ART1: variants seen among roughly 807,000 people sequenced by gnomAD.
The protein encoded by ART1 is GPI-linked NAD(P)(+)--arginine ADP-ribosyltransferase 1.
ART1 carries 29 observed loss-of-function variants against 27.0 expected under a neutral mutation model. The observed-to-expected ratio is 1.08, with a 90% confidence interval of 0.80 to 1.47. The LOEUF (loss-of-function observed/expected upper bound fraction) is 1.47. Among genes scored for constraint, ART1 ranks in the 40% most tolerant of loss-of-function variants. The pLI, the probability that ART1 is intolerant of heterozygous loss-of-function variation, is 0.00. For missense variants in ART1, 480 were observed against 423.0 expected, an observed-to-expected ratio of 1.13 and a Z score of -1.18; for synonymous variants, 201 against 172.2, an observed-to-expected ratio of 1.17 and a Z score of -1.31.
At position 3,664,326 on chromosome 11, in the gene ART1, G is replaced by A; in HGVS notation, c.*137G>A. ...CTGGGACCTTCTCTGGTAGCTGCCA[G>A]ACCGGCTGGTGGAGAAACAGGAGAC... On this transcript the variant is annotated 3_prime_UTR_variant, in exon 5 of 5. Coordinates refer to ENST00000250693, the MANE Select transcript of ART1 (RefSeq NM_004314.3). The A allele has an allele frequency of 1.2e-6, 1 of 806,080 alleles. No individual in the cohort carries two copies. Among genetic ancestry groups the A allele is most frequent in the Non-Finnish European group, 2.0e-6 (1 of 498,046 alleles). 49.9% of individuals were successfully genotyped at this position (806,080 alleles called of 1,614,324 possible).
In ART1 at chr11:3,664,283, T is replaced by C. The variant is rs2133969626; in HGVS notation, c.*94T>C. 8.0e-7 allele frequency: 1 copy of C among 1,244,076 alleles called. No individual in the cohort carries two copies. Among genetic ancestry groups the C allele is most frequent in the Non-Finnish European group, 1.2e-6 (1 of 866,330 alleles). The allele number at this position is 1,244,076 out of a possible 1,614,324, so 77.1% of individuals were successfully genotyped here. A position where few individuals can be genotyped will look rare whatever the true frequency, so the allele number is the denominator to read the frequency against. On this transcript the variant is annotated 3_prime_UTR_variant, in exon 5 of 5. Transcript: ENST00000250693. ...TCAGTGTAACCAAGATTCCTGTCAATCCCATCTGCAGGGAACTCTGGGACC... is the reference window on the plus strand; with the variant it reads ...TCAGTGTAACCAAGATTCCTGTCAACCCCATCTGCAGGGAACTCTGGGACC...
intron 1 of ART1, among the ~76,000 whole-genome samples, chr11:3,657,818 C>T (rs78049286): frequency 0.031 from 4,764 of 152,112 alleles, 266 homozygotes; most frequent in African/African-American, 0.11. Context: ...TAAATATTCA[C>T]TGTAGTATTA....
In ART1 at chr11:3,657,965, G is replaced by A. The variant is rs992151565; in HGVS notation, c.-52-1197G>A. Among the ~76,000 whole-genome samples the A allele has an allele frequency of 7.9e-5, 12 of 152,144 alleles. 1 individual carries two copies. Among genetic ancestry groups the A allele is most frequent in the Non-Finnish European group, 1.3e-4 (9 of 68,034 alleles). The stretch of plus-strand genomic sequence containing the variant: ...TATTTATGTACTGACATGGAAGGAA[G>A]TTAATATTTTTTTTCTGAGGAAAAA... On this transcript the variant is annotated intron_variant, in intron 1 of 4. Transcript: ENST00000250693.
intron 1 of ART1, among the ~76,000 whole-genome samples, chr11:3,653,439 C>A (rs185049818): frequency 1.3e-5 from 2 of 148,276 alleles, no homozygotes; most frequent in Non-Finnish European, 2.9e-5. Flanking sequence ...ACCTTGTGAC[C>A]CCCACTCTGA....
At chr11:3,655,676 C>A (rs2077568761) in intron 1 of ART1, 1 of 152,222 alleles carries the variant, frequency 6.6e-6, no homozygotes, top group African/African-American at 2.4e-5. Flanking sequence ...TTTTACCCTG[C>A]ATCCATAGAT....
At chr11:3,656,229 C>T (rs746991203) in intron 1 of ART1, among the ~76,000 whole-genome samples, 19 of 152,028 alleles carry the variant, frequency 1.2e-4, no homozygotes, top group East Asian at 3.9e-4. Flanking sequence ...CCACCGCGCC[C>T]GGCCCAGGGA....
chr11:3,663,114 C>CTCATCTCA (rs2077635256), intron 4 of ART1, among the ~76,000 whole-genome samples: 3 of 134,474 alleles, frequency 2.2e-5, no homozygotes, highest in Non-Finnish European at 4.6e-5. Flanking sequence ...CTCATCTCAT[C>CTCATCTCA]TCATCTCATC....
chr11:3,658,527 T>A (rs928995378), intron 1 of ART1, among the ~76,000 whole-genome samples: 39 of 152,108 alleles, frequency 2.6e-4, no homozygotes, highest in African/African-American at 9.2e-4. Context: ...CTCCTGCTCT[T>A]CTGATCCCCT....
chr11:3,656,100 T>C (rs939711282), intron 1 of ART1, among the ~76,000 whole-genome samples: 7 of 151,942 alleles, frequency 4.6e-5, no homozygotes, highest in African/African-American at 1.7e-4. Context: ...GCCCAGCTAA[T>C]TTTTTGTAAT....
At chr11:3,652,929 G>C (rs1023275596) in intron 1 of ART1, among the ~76,000 whole-genome samples, 2 of 149,230 alleles carry the variant, frequency 1.3e-5, no homozygotes, top group African/African-American at 5.1e-5. Context: ...TTTTATACCT[G>C]TTTTTCTCCT....
At chr11:3,664,070 T>C in intron 4 of ART1, 22 bp from the exon 5 acceptor site, 1 of 1,612,242 alleles carries the variant, frequency 6.2e-7, no homozygotes, top group Non-Finnish European at 8.5e-7. Flanking sequence ...TCCCCCAACC[T>C]CTCTGCCTGT....
intron 1 of ART1, among the ~76,000 whole-genome samples, chr11:3,648,204 G>C (rs897174586): frequency 2.0e-5 from 3 of 151,452 alleles, no homozygotes; most frequent in African/African-American, 2.4e-5. Context: ...ATCTCCCTTC[G>C]CTGACTCTCT....
In ART1 at chr11:3,660,335, C is replaced by T. The variant is rs1189521925; in HGVS notation, c.816C>T (p.His272=). Reference sequence around the variant, plus strand: ...TCTACCTCCGAGCCCTGGGCAAGCACAGCACCTACAACTGCGAGTACATCA... The same window carrying T: ...TCTACCTCCGAGCCCTGGGCAAGCATAGCACCTACAACTGCGAGTACATCA... The part of the protein sequence containing the change: ...ARIYLRALGK[H]STYNCEYIKD... The change falls in exon 3 of 5, where the codon CAC becomes CAT. Residue 272 remains histidine (H), a synonymous_variant. Coordinates refer to ENST00000250693, the MANE Select transcript of ART1 (RefSeq NM_004314.3). 2 of 1,604,562 alleles carry T rather than the reference C, an allele frequency of 1.2e-6. No individual in the cohort carries two copies. Among genetic ancestry groups the T allele is most frequent in the Non-Finnish European group, 1.7e-6 (2 of 1,179,802 alleles).
intron 3 of ART1, among the ~76,000 whole-genome samples, chr11:3,660,919 T>C (rs537649410): frequency 6.6e-6 from 1 of 152,344 alleles, no homozygotes; most frequent in South Asian, 2.1e-4. Context: ...CTCCTGTTCA[T>C]GTCCCCAGCA....
At chr11:3,663,194 A>C (rs901893156) in intron 4 of ART1, among the ~76,000 whole-genome samples, 2 of 151,952 alleles carry the variant, frequency 1.3e-5, no homozygotes, top group African/African-American at 2.4e-5. Flanking sequence ...AAGGAGGCAG[A>C]ACAGGAGGCA....
At chr11:3,661,490 C>CTTTTTTTTT (rs530856927) in intron 4 of ART1, 77 bp downstream of exon 4, 19 of 320,458 alleles carry the variant, frequency 5.9e-5, no homozygotes, top group South Asian at 1.2e-4. Flanking sequence ...TCACCTCGAT[C>CTTTTTTTTT]TTTTTTTTTT....
At chr11:3,655,581 G>A (rs1052683268) in intron 1 of ART1, 1 of 152,198 alleles carries the variant, frequency 6.6e-6, no homozygotes, top group African/African-American at 2.4e-5. Flanking sequence ...GCCTGCATGA[G>A]AACTATCCAC....
chr11:3,646,595 G>A (rs1565037024), intron 1 of ART1, among the ~76,000 whole-genome samples: 2 of 152,138 alleles, frequency 1.3e-5, no homozygotes, highest in South Asian at 4.1e-4. Flanking sequence ...GAAAGCCAAG[G>A]AGGAGTGCGG....
At chr11:3,647,091 C>T (rs573149855) in intron 1 of ART1, among the ~76,000 whole-genome samples, 32 of 152,092 alleles carry the variant, frequency 2.1e-4, no homozygotes, top group Non-Finnish European at 3.2e-4. Flanking sequence ...GAGGCCGAGG[C>T]GGGCAGCGGA....
Sources: gnomAD v4.1 joint callset for allele counts (sites outside exome capture counted in the v4.1 genomes callset) on GRCh38, gnomAD v4.1.1 for gene constraint, MANE v1.5 for transcripts, NCBI Gene and HGNC (gene_info 2026-07-23, HGNC 2026-07-21) for gene names.